Variants in GREB1L observed in about 807,000 individuals in gnomAD.
The protein encoded by GREB1L is GREB1-like protein.
GREB1L carries 17 observed loss-of-function variants against 200.8 expected under a neutral mutation model. The ratio of observed to expected loss-of-function variants is 0.08; its 90% CI spans 0.06 to 0.13. GREB1L has a LOEUF of 0.13. Ranked by LOEUF, GREB1L falls within the 10% of genes least tolerant of loss-of-function variation. GREB1L has a pLI of 1.00. For missense variants in GREB1L, 1,657 were observed against 2,367.7 expected (o/e 0.70, Z 6.23); for synonymous variants, 789 against 893.0 (o/e 0.88, Z 2.08).
chr18:21,264,714 C>A (rs1324640189), intron 1 of GREB1L, among the ~76,000 whole-genome samples: 2 of 150,594 alleles, frequency 1.3e-5, no homozygotes, highest in Non-Finnish European at 3.0e-5. Context: ...GCCCCCCAAC[C>A]TCTGACTCTC....
At chr18:21,249,882 A>G (rs1450582663) in intron 1 of GREB1L, among the ~76,000 whole-genome samples, 8 of 152,100 alleles carry the variant, frequency 5.3e-5, no homozygotes, top group Non-Finnish European at 1.0e-4. Flanking sequence ...AAAAAGTGAC[A>G]AATATCTCTG....
At chr18:21,416,544 T>A (rs372847201) in intron 7 of GREB1L, among the ~76,000 whole-genome samples, 1 of 151,830 alleles carries the variant, frequency 6.6e-6, no homozygotes, top group East Asian at 1.9e-4. Context: ...TACAAAAAAT[T>A]AGCCGGGCGT....
intron 5 of GREB1L, among the ~76,000 whole-genome samples, chr18:21,396,471 T>C (rs145337432): frequency 4.5e-4 from 69 of 152,372 alleles, no homozygotes; most frequent in South Asian, 2.3e-3. Context: ...TCACTCTCTA[T>C]AGTCATTGAT....
intron 1 of GREB1L, among the ~76,000 whole-genome samples, chr18:21,267,078 C>T (rs191483330): frequency 2.6e-5 from 4 of 151,512 alleles, no homozygotes; most frequent in South Asian, 2.1e-4. Context: ...GGACTACATG[C>T]GTGTGTCACC....
intron 1 of GREB1L, among the ~76,000 whole-genome samples, chr18:21,245,384 T>G (rs1185108038): frequency 2.6e-5 from 4 of 152,200 alleles, no homozygotes; most frequent in Admixed American, 2.6e-4. Context: ...TAAGGGTACT[T>G]AGAGTAATAT....
At chr18:21,375,874 C>T (rs1278891930) in intron 2 of GREB1L, among the ~76,000 whole-genome samples, 2 of 151,956 alleles carry the variant, frequency 1.3e-5, no homozygotes, top group Non-Finnish European at 1.5e-5. Context: ...ACAATAACTA[C>T]CACCACCACC....
chr18:21,418,317 C>T (rs955299586), intron 7 of GREB1L, among the ~76,000 whole-genome samples: 27 of 152,244 alleles, frequency 1.8e-4, no homozygotes, highest in African/African-American at 6.5e-4. Context: ...TTTGCAGAAG[C>T]TCAATTCCCT....
At chr18:21,281,382 T>C (rs2038266836) in intron 1 of GREB1L, among the ~76,000 whole-genome samples, 1 of 152,252 alleles carries the variant, frequency 6.6e-6, no homozygotes, top group Non-Finnish European at 1.5e-5. Context: ...CATTTACTTC[T>C]GTCTTTTGTC....
chr18:21,415,484 G>A (rs1358856818), intron 7 of GREB1L, among the ~76,000 whole-genome samples: 6 of 152,100 alleles, frequency 3.9e-5, no homozygotes, highest in South Asian at 2.1e-4. Flanking sequence ...CCTGGGCAGC[G>A]AATGAAACTC....
At chr18:21,425,030 AC>A (rs940987680) in intron 7 of GREB1L, among the ~76,000 whole-genome samples, 5 of 151,986 alleles carry the variant, frequency 3.3e-5, no homozygotes, top group African/African-American at 1.2e-4. Flanking sequence ...GTATGGATAA[AC>A]ATATGATACA....
At chr18:21,480,784 C>T (rs1055664737) in intron 17 of GREB1L, among the ~76,000 whole-genome samples, 1 of 152,234 alleles carries the variant, frequency 6.6e-6, no homozygotes, top group Admixed American at 6.5e-5. Flanking sequence ...CTTTGGAATG[C>T]CAAGGCAGGC....
chr18:21,392,958 A>C (rs548236404), intron 4 of GREB1L, among the ~76,000 whole-genome samples: 3 of 152,090 alleles, frequency 2.0e-5, no homozygotes, highest in Non-Finnish European at 4.4e-5. Context: ...TTTTTTGTAG[A>C]GATGGGGTTT....
intron 1 of GREB1L, among the ~76,000 whole-genome samples, chr18:21,249,478 A>G (rs2037663956): frequency 6.6e-6 from 1 of 152,212 alleles, no homozygotes. Flanking sequence ...CTCAAGCTTC[A>G]GTTGTTTTAT....
chr18:21,453,798 C>T (rs2034633549), intron 14 of GREB1L, among the ~76,000 whole-genome samples: 1 of 151,992 alleles, frequency 6.6e-6, no homozygotes, highest in Non-Finnish European at 1.5e-5. Flanking sequence ...AGGTGAAGGT[C>T]GTGTCTCCAT....
chr18:21,381,244 A>AAAT (rs988191810), intron 2 of GREB1L, among the ~76,000 whole-genome samples: 4 of 151,108 alleles, frequency 2.6e-5, no homozygotes, highest in African/African-American at 9.7e-5. Flanking sequence ...TCCGTCTCAA[A>AAAT]AATAATAATA....
intron 1 of GREB1L, among the ~76,000 whole-genome samples, chr18:21,312,738 G>A (rs776962937): frequency 2.2e-4 from 33 of 151,964 alleles, no homozygotes; most frequent in Non-Finnish European, 4.1e-4. Flanking sequence ...ATTTTCAATA[G>A]AGATGGGGTT....
At chr18:21,514,209 G>T (rs1000606545) in intron 28 of GREB1L, among the ~76,000 whole-genome samples, 1 of 152,122 alleles carries the variant, frequency 6.6e-6, no homozygotes, top group African/African-American at 2.4e-5. Flanking sequence ...GGATCACAGC[G>T]TTGGTTAGCT....
chr18:21,459,581 A>G (rs975375265), intron 15 of GREB1L, among the ~76,000 whole-genome samples: 2 of 151,988 alleles, frequency 1.3e-5, no homozygotes, highest in African/African-American at 4.8e-5. Flanking sequence ...GCCACCGCGC[A>G]TGGCCGGCAT....
At chr18:21,368,197 T>A (rs780482937) in intron 2 of GREB1L, among the ~76,000 whole-genome samples, 1 of 152,234 alleles carries the variant, frequency 6.6e-6, no homozygotes, top group Non-Finnish European at 1.5e-5. Flanking sequence ...TAAAGGAACA[T>A]ACACATAAAT....
Sources: gnomAD v4.1 joint callset for allele counts (sites outside exome capture counted in the v4.1 genomes callset) on GRCh38, gnomAD v4.1.1 for gene constraint, MANE v1.5 for transcripts, NCBI Gene and HGNC (gene_info 2026-07-23, HGNC 2026-07-21) for gene names.